The following PIERCE2 variants were observed in gnomAD, a reference collection of about 807,000 sequenced individuals.
PIERCE2 encodes piercer of microtubule wall 2 protein.
the PIERCE2 span, among the ~76,000 whole-genome samples, chr15:55,417,074 A>G: frequency 5.2e-4 from 79 of 152,282 alleles, 1 homozygote; most frequent in Non-Finnish European, 8.2e-4. Context: ...TCCTCACCAC[A>G]TTCACACAGG....
chr15:55,418,211 T>G, the PIERCE2 span: 12 of 1,571,882 alleles, frequency 7.6e-6, no homozygotes, highest in South Asian at 1.4e-4. Context: ...ATTTTATGTG[T>G]TTATCTTTTA....
the PIERCE2 span, among the ~76,000 whole-genome samples, chr15:55,409,204 G>C: frequency 6.6e-6 from 1 of 152,116 alleles, no homozygotes; most frequent in Non-Finnish European, 1.5e-5. Context: ...TCAGGAGTTC[G>C]AGACCAGCCT....
chr15:55,415,284 A>G, the PIERCE2 span, among the ~76,000 whole-genome samples: 1 of 152,064 alleles, frequency 6.6e-6, no homozygotes, highest in Non-Finnish European at 1.5e-5. Flanking sequence ...CCTGGCCAAC[A>G]TGGTGAAACC....
At chr15:55,414,292 C>G in the PIERCE2 span, among the ~76,000 whole-genome samples, 2 of 150,118 alleles carry the variant, frequency 1.3e-5, no homozygotes, top group African/African-American at 4.9e-5. Context: ...TCACTGCAAC[C>G]TTGGCCTCCC....
the PIERCE2 span, among the ~76,000 whole-genome samples, chr15:55,409,400 C>T: frequency 1.3e-5 from 2 of 150,548 alleles, no homozygotes; most frequent in African/African-American, 4.9e-5. Context: ...AGCAAAACTC[C>T]GTCTCAAAAA....
the PIERCE2 span, among the ~76,000 whole-genome samples, chr15:55,412,641 G>C: frequency 6.6e-6 from 1 of 152,144 alleles, no homozygotes; most frequent in Non-Finnish European, 1.5e-5. Context: ...ACTGTGGCAT[G>C]TACCTGAAGT....
At chr15:55,417,119 A>G in the PIERCE2 span, among the ~76,000 whole-genome samples, 3 of 152,172 alleles carry the variant, frequency 2.0e-5, no homozygotes, top group African/African-American at 7.2e-5. Flanking sequence ...TACTAGAATT[A>G]TATTACCTCA....
the PIERCE2 span, among the ~76,000 whole-genome samples, chr15:55,411,395 C>T: frequency 6.6e-6 from 1 of 152,092 alleles, no homozygotes; most frequent in African/African-American, 2.4e-5. Flanking sequence ...ACCTGGGACG[C>T]AGAGGTTACA....
the PIERCE2 span, among the ~76,000 whole-genome samples, chr15:55,416,922 T>C: frequency 2.1e-4 from 32 of 152,154 alleles, no homozygotes; most frequent in Non-Finnish European, 3.8e-4. Context: ...GACTGCACCA[T>C]TGCAGTCCAG....
At chr15:55,411,416 A>T in the PIERCE2 span, among the ~76,000 whole-genome samples, 1 of 152,166 alleles carries the variant, frequency 6.6e-6, no homozygotes, top group Non-Finnish European at 1.5e-5. Context: ...ATGAGCTGCG[A>T]CTGCGCCACT....
chr15:55,408,988 T>C, the PIERCE2 span, among the ~76,000 whole-genome samples: 1 of 152,200 alleles, frequency 6.6e-6, no homozygotes, highest in Admixed American at 6.5e-5. Flanking sequence ...ACCATCGAGA[T>C]TGTATGCATT....
At chr15:55,413,985 T>C in the PIERCE2 span, among the ~76,000 whole-genome samples, 147,778 of 150,658 alleles carry the variant, frequency 0.98, 72,536 homozygotes, top group East Asian at 1. Context: ...GCAAGCTCCA[T>C]CTCCCAGGTT....
the PIERCE2 span, chr15:55,408,771 G>C: frequency 2.0e-6 from 3 of 1,526,230 alleles, no homozygotes; most frequent in Non-Finnish European, 2.6e-6. Context: ...GAGCGAAAAT[G>C]ACAGACCGCA....
the PIERCE2 span, chr15:55,418,586 T>C: frequency 7.3e-7 from 1 of 1,374,812 alleles, no homozygotes; most frequent in African/African-American, 1.5e-5. Context: ...TATTCCTTTG[T>C]ATATTGAAGA....
the PIERCE2 span, chr15:55,418,583 T>C: frequency 7.2e-7 from 1 of 1,390,710 alleles, no homozygotes; most frequent in South Asian, 1.4e-5. Context: ...ATATATTCCT[T>C]TGTATATTGA....
At chr15:55,408,691 C>G in the PIERCE2 span, 2 of 923,998 alleles carry the variant, frequency 2.2e-6, no homozygotes, top group Non-Finnish European at 1.7e-6. Context: ...GGCCACGTCC[C>G]TAGGCGTTCA....
chr15:55,417,843 C>A, the PIERCE2 span: 1 of 276,656 alleles, frequency 3.6e-6, no homozygotes. Context: ...AGGGGTGGGG[C>A]CGTTTTATAG....
At chr15:55,418,590 T>C in the PIERCE2 span, 5,109 of 1,366,370 alleles carry the variant, frequency 3.7e-3, 16 homozygotes, top group Non-Finnish European at 4.3e-3. Context: ...CCTTTGTATA[T>C]TGAAGAGAAA....
At chr15:55,412,827 T>G in the PIERCE2 span, among the ~76,000 whole-genome samples, 21 of 152,090 alleles carry the variant, frequency 1.4e-4, no homozygotes, top group African/African-American at 4.8e-4. Flanking sequence ...GGTTTTATAG[T>G]ACTTTTAAGT....
Sources: gnomAD v4.1 joint callset for allele counts (sites outside exome capture counted in the v4.1 genomes callset) on GRCh38, gnomAD v4.1.1 for gene constraint, MANE v1.5 for transcripts, NCBI Gene and HGNC (gene_info 2026-07-23, HGNC 2026-07-21) for gene names.